The following PARD6G variants were observed in gnomAD, a reference collection of about 807,000 sequenced individuals.
The protein encoded by PARD6G is par-6 family cell polarity regulator gamma.
PARD6G carries 7 observed loss-of-function variants against 10.7 expected under a neutral mutation model. The observed-to-expected ratio is 0.66, with a 90% CI of 0.37 to 1.23. The LOEUF is 1.23. Among genes scored for constraint, PARD6G ranks in the 50% most tolerant of loss-of-function variants. The pLI is 0.02. For missense variants in PARD6G, 548 were observed against 571.8 expected (o/e 0.96, Z 0.42); for synonymous variants, 287 against 269.4 (o/e 1.07, Z -0.64).
At chr18:80,177,218 G>GCGCACACACACA (rs1555734815) in intron 2 of PARD6G, among the ~76,000 whole-genome samples, 17 of 98,886 alleles carry the variant, frequency 1.7e-4, no homozygotes, top group Admixed American at 8.2e-4. Context: ...AATGGGAAGC[G>GCGCACACACACA]CACACACACA....
chr18:80,177,691 T>C (rs887151097), intron 2 of PARD6G, among the ~76,000 whole-genome samples: 3 of 139,600 alleles, frequency 2.1e-5, no homozygotes, highest in Non-Finnish European at 4.6e-5. Flanking sequence ...ATAGCCGAAA[T>C]GGGAAGCATA....
intron 2 of PARD6G, among the ~76,000 whole-genome samples, chr18:80,179,520 C>T (rs564612606): frequency 2.6e-5 from 4 of 152,352 alleles, no homozygotes; most frequent in Non-Finnish European, 4.4e-5. Flanking sequence ...TGCCTCCCCC[C>T]ACCCAGGAGG....
At chr18:80,195,190 C>G (rs1402990337) in intron 2 of PARD6G, among the ~76,000 whole-genome samples, 1 of 152,162 alleles carries the variant, frequency 6.6e-6, no homozygotes, top group African/African-American at 2.4e-5. Context: ...ATGACAGAAA[C>G]AATGACATGG....
intron 1 of PARD6G, among the ~76,000 whole-genome samples, chr18:80,217,700 G>A (rs1184554299): frequency 6.6e-6 from 1 of 152,168 alleles, no homozygotes; most frequent in East Asian, 1.9e-4. Flanking sequence ...AAAAACAAGA[G>A]AAGTCTGAGA....
chr18:80,207,166 C>T lies in PARD6G; in HGVS notation c.73-4234G>A, dbSNP rs535816676. ...CTTAACAGTAAATGAAAGATTCTTC[C>T]GATGTTTACTTGGATGGCTAGTGAT... is the stretch of plus-strand genomic sequence containing the variant. On this transcript the variant is annotated intron_variant, in intron 1 of 2. Transcript: ENST00000353265. Among the ~76,000 whole-genome samples, 70 of 93,708 alleles carry T rather than the reference C, an allele frequency of 7.5e-4. 1 individual carries two copies. Among genetic ancestry groups the T allele is most frequent in the African/African-American group, 2.2e-3 (69 of 31,894 alleles). The allele number at this position is 93,708 out of a possible 152,430, so 61.5% of individuals were successfully genotyped here. A position where few individuals can be genotyped will look rare whatever the true frequency, so the allele number is the denominator to read the frequency against.
rs1599860493 is a variant in PARD6G, at chr18:80,197,037, A to T, written c.295+5673T>A. 3.9e-5 allele frequency among the ~76,000 whole-genome samples: 6 copies of T among 152,252 alleles called. No individual in the cohort carries two copies. In the South Asian group the frequency reaches 1.2e-3, roughly 32 times the overall value. ...CCACGTTCTGTCTGTTCCCATAAGC[A>T]CATGGACACAGTGAGGCTAATTCAG... On this transcript the variant is annotated intron_variant, in intron 2 of 2. Coordinates refer to ENST00000353265, the MANE Select transcript of PARD6G (RefSeq NM_032510.4).
chr18:80,178,203 T>C (rs1599851100), intron 2 of PARD6G: 1 of 165,570 alleles, frequency 6.0e-6, no homozygotes, highest in East Asian at 1.9e-4. Flanking sequence ...GTGATCTCTA[T>C]AAAAATCTCA....
chr18:80,168,996 G>C (rs1407879782), intron 2 of PARD6G: 2 of 169,264 alleles, frequency 1.2e-5, no homozygotes, highest in Non-Finnish European at 2.9e-5. Context: ...GGTGGGAACT[G>C]CTGAAGGTGC....
chr18:80,185,483 T>C (rs956806538), intron 2 of PARD6G, among the ~76,000 whole-genome samples: 1 of 152,076 alleles, frequency 6.6e-6, no homozygotes, highest in African/African-American at 2.4e-5. Context: ...ATTAATGAAA[T>C]TAACTTTTGT....
chr18:80,228,560 G>C lies in PARD6G; in HGVS notation c.72+18717C>G, dbSNP rs887273432. 6.0e-5 allele frequency among the ~76,000 whole-genome samples: 9 copies of C among 151,122 alleles called. No homozygotes were observed. Among genetic ancestry groups the C allele is most frequent in the African/African-American group, 1.9e-4 (8 of 41,036 alleles). On this transcript the variant is annotated intron_variant, in intron 1 of 2. Coordinates refer to ENST00000353265, the MANE Select transcript of PARD6G (RefSeq NM_032510.4). The surrounding 1 kb of genome is among the most constrained non-coding windows in gnomAD (Gnocchi z 4.6). The stretch of plus-strand genomic sequence containing the variant: ...CGTCTAAGGTCCCAGACACCACAGG[G>C]TCTTGGCCCCCAGGCCCACAGACTG...
chr18:80,187,154 T>A (rs1239961952), intron 2 of PARD6G, among the ~76,000 whole-genome samples: 1 of 151,470 alleles, frequency 6.6e-6, no homozygotes, highest in Non-Finnish European at 1.5e-5. Flanking sequence ...ACTCTAATGG[T>A]CTGACACCAG....
Position 80,184,874 on chromosome 18 carries a change from A to C in PARD6G, c.295+17836T>G, listed in dbSNP as rs1446010362. On this transcript the variant is annotated intron_variant, in intron 2 of 2. Transcript: ENST00000353265. This position sits in a 1 kb window ranked among gnomAD's most constrained non-coding sequence, Gnocchi z 4.5. ...GTTCTAAACTGACTATGGCTGCACA[A>C]CTCTGTGAACACACTAAAAACACTG... The C allele has an allele frequency of 6.6e-6, 1 of 152,106 alleles. No individual in the cohort carries two copies. Among genetic ancestry groups the C allele is most frequent in the Non-Finnish European group, 1.5e-5 (1 of 68,038 alleles). The allele number at this position is 152,106 out of a possible 1,614,324, so 9.4% of individuals were successfully genotyped here. A position where few individuals can be genotyped will look rare whatever the true frequency, so the allele number is the denominator to read the frequency against.
At chr18:80,214,840 A>G (rs1024246604) in intron 1 of PARD6G, among the ~76,000 whole-genome samples, 34 of 152,182 alleles carry the variant, frequency 2.2e-4, no homozygotes, top group African/African-American at 7.5e-4. Context: ...TTGATGAAAA[A>G]TTAATCTATA....
At chr18:80,218,035 G>C (rs1369628464) in intron 1 of PARD6G, among the ~76,000 whole-genome samples, 28 of 152,110 alleles carry the variant, frequency 1.8e-4, no homozygotes, top group Admixed American at 1.8e-3. Context: ...CCTCCCACCA[G>C]ATCCCTCTCA....
chr18:80,244,593 A>G (rs1967522962), intron 1 of PARD6G, among the ~76,000 whole-genome samples: 1 of 152,244 alleles, frequency 6.6e-6, no homozygotes, highest in Non-Finnish European at 1.5e-5. Flanking sequence ...CTTGTATTCA[A>G]TGCATTTCAT....
chr18:80,197,246 A>G (rs1966966377), intron 2 of PARD6G, among the ~76,000 whole-genome samples: 1 of 152,224 alleles, frequency 6.6e-6, no homozygotes, highest in Non-Finnish European at 1.5e-5. Context: ...CTATTTCCCT[A>G]AGAATCCAAG....
intron 1 of PARD6G, among the ~76,000 whole-genome samples, chr18:80,210,758 C>T (rs970950787): frequency 6.6e-6 from 1 of 152,210 alleles, no homozygotes; most frequent in Non-Finnish European, 1.5e-5. Flanking sequence ...ATACTCCCTG[C>T]CAATTTTACA....
At chr18:80,215,286 A>C (rs112105904) in intron 1 of PARD6G, among the ~76,000 whole-genome samples, 4,158 of 152,292 alleles carry the variant, frequency 0.027, 183 homozygotes, top group African/African-American at 0.094. Context: ...AAAGAACATT[A>C]CACATAACTT....
chr18:80,204,623 T>A (rs1315395723), intron 1 of PARD6G, among the ~76,000 whole-genome samples: 1 of 149,192 alleles, frequency 6.7e-6, no homozygotes, highest in African/African-American at 2.5e-5. Context: ...AAAAAAAAAA[T>A]CTCCAGGGCC....
Sources: allele counts gnomAD v4.1 joint callset (sites outside exome capture counted in the v4.1 genomes callset), GRCh38; gene constraint gnomAD v4.1.1; non-coding constraint Gnocchi (gnomAD v3.1); transcripts MANE v1.5; gene names NCBI Gene and HGNC (gene_info 2026-07-23, HGNC 2026-07-21).